LAMB4: variants seen among roughly 807,000 people sequenced by gnomAD.
LAMB4 encodes laminin subunit beta 4.
A neutral mutation model predicts 199.2 loss-of-function variants in LAMB4; 196 were observed. That is an observed-to-expected ratio of 0.98 (90% CI 0.88 to 1.11). The LOEUF is 1.11. LAMB4 is among the 50% of genes least tolerant of loss of function. The probability of loss-of-function intolerance (pLI) is 0.00; values close to 1 mark genes in which losing one functional copy is unlikely to be tolerated. For missense variants in LAMB4, 2,080 were observed against 2,171.2 expected, an observed-to-expected ratio of 0.96 and a Z score of 0.83; for synonymous variants, 744 against 770.6, an observed-to-expected ratio of 0.97 and a Z score of 0.57.
chr7:108,119,104 A>T (rs2038510781), intron 2 of LAMB4, among the ~76,000 whole-genome samples: 1 of 152,188 alleles, frequency 6.6e-6, no homozygotes, highest in African/African-American at 2.4e-5. Context: ...ACTACACACC[A>T]ATCAGAATAG....
chr7:108,102,850 A>G (rs1358394766), intron 10 of LAMB4, among the ~76,000 whole-genome samples, 194 bp downstream of exon 10: 1 of 152,190 alleles, frequency 6.6e-6, no homozygotes, highest in African/African-American at 2.4e-5. Context: ...ACCAGGACAG[A>G]CACAGATTAT....
At chr7:108,076,328 AC>A (rs1273561680) in intron 17 of LAMB4, among the ~76,000 whole-genome samples, 1 of 152,052 alleles carries the variant, frequency 6.6e-6, no homozygotes, top group Admixed American at 6.5e-5. Context: ...CCATTGCCCC[AC>A]TCTGTGGGGG....
intron 25 of LAMB4, 90 bp downstream of exon 25, chr7:108,055,542 T>C: frequency 5.9e-6 from 8 of 1,346,064 alleles, no homozygotes; most frequent in Non-Finnish European, 8.2e-6. Flanking sequence ...ATAGGTACAT[T>C]TCTAAATTGA....
At chr7:108,108,655 GT>G (rs201220755) in intron 5 of LAMB4, among the ~76,000 whole-genome samples, 49 of 144,180 alleles carry the variant, frequency 3.4e-4, no homozygotes, top group Non-Finnish European at 4.9e-4. Flanking sequence ...AAAGACTGGT[GT>G]TTTTTTTTTC....
At chr7:108,057,157 C>T (rs1360888050) in intron 24 of LAMB4, among the ~76,000 whole-genome samples, 1 of 152,158 alleles carries the variant, frequency 6.6e-6, no homozygotes, top group East Asian at 1.9e-4. Context: ...AGCCGCTCTT[C>T]CCCAGGAGAT....
chr7:108,055,968 C>T lies in LAMB4; in HGVS notation c.3419G>A (p.Cys1140Tyr). 1.9e-6 allele frequency: 3 copies of T among 1,614,018 alleles called. No individual in the cohort carries two copies. The highest frequency in any genetic ancestry group is 2.5e-6 in the Non-Finnish European group (3 of 1,179,932). Reference sequence around the variant, plus strand: ...GCGGCACATGCCTGTGTCTGGATCACAGATGGGCTTCTGGGTACCTGCCCT... The same window carrying T: ...GCGGCACATGCCTGTGTCTGGATCATAGATGGGCTTCTGGGTACCTGCCCT... ...CNRAGTQKPI[C>Y]DPDTGMCRCR... is the part of the protein sequence containing the mutation. The change falls in exon 25 of 34, where the codon TGT becomes TAT. Residue 1140 changes from cysteine to tyrosine, a missense_variant. Transcript: ENST00000388781.
rs750830292 is a variant in LAMB4 at position 108,103,081 on chromosome 7, G to A, written c.1143C>T (p.Asp381=). 6.2e-7 allele frequency: 1 copy of A among 1,610,632 alleles called. No individual in the cohort carries two copies. Among genetic ancestry groups the A allele is most frequent in the Non-Finnish European group, 8.5e-7 (1 of 1,177,300 alleles). ...CDRCRPLFYR[D]PLKTISDPYA... is the part of the protein sequence containing the mutation. ...AGGGATCTGAGATGGTCTTGAGCGG[G>A]TCCCTGTAGAAGAGGGGTCTGCAGC... Residue 381 remains aspartate (D), a synonymous_variant, in exon 10 of 34, where the codon GAC becomes GAT. Transcript: ENST00000388781.
At chr7:108,017,021 T>A in the LAMB4 span, among the ~76,000 whole-genome samples, 1 of 152,222 alleles carries the variant, frequency 6.6e-6, no homozygotes, top group Non-Finnish European at 1.5e-5. Context: ...TGTCAGATAC[T>A]GCTATGAATC....
chr7:108,071,348 C>A (rs990301668), intron 17 of LAMB4, among the ~76,000 whole-genome samples: 1 of 122,088 alleles, frequency 8.2e-6, no homozygotes, highest in African/African-American at 3.7e-5. Context: ...CTCATCAGCA[C>A]CCCCCTAACT....
intron 1 of LAMB4, among the ~76,000 whole-genome samples, chr7:108,124,967 G>T (rs150149023): frequency 5.3e-5 from 8 of 152,272 alleles, no homozygotes; most frequent in Non-Finnish European, 1.0e-4. Context: ...GTTTTGCAAT[G>T]CCTGATTTTA....
At chr7:108,067,706 T>C (rs1347210473) in intron 19 of LAMB4, among the ~76,000 whole-genome samples, 2 of 152,194 alleles carry the variant, frequency 1.3e-5, no homozygotes, top group African/African-American at 4.8e-5. Context: ...GCTCCCTTCA[T>C]GGTGTTCCAC....
chr7:108,063,217 C>T (rs2036226255), intron 22 of LAMB4, among the ~76,000 whole-genome samples: 1 of 152,134 alleles, frequency 6.6e-6, no homozygotes, highest in Non-Finnish European at 1.5e-5. Context: ...GAACTTGCTC[C>T]AAGAGCTCAC....
intron 2 of LAMB4, among the ~76,000 whole-genome samples, chr7:108,116,598 G>A (rs761051936): frequency 7.9e-5 from 12 of 152,150 alleles, no homozygotes; most frequent in Non-Finnish European, 1.6e-4. Flanking sequence ...CTTTAATGTT[G>A]TTTAATCTAG....
In LAMB4 at chr7:108,076,885, A is replaced by G. The variant is rs905732499; in HGVS notation, c.2124+59T>C. 13 of 1,564,784 alleles carry G rather than the reference A, an allele frequency of 8.3e-6. No individual in the cohort carries two copies. The African/African-American group carries it at 1.6e-4, about 20-fold the overall frequency. ...GAAATATTTCACTAGTGAGTTTAAA[A>G]GTAGTTATAACGGTGCTTAGTAGCG... On this transcript the variant is annotated intron_variant, in intron 17 of 33. Coordinates refer to ENST00000388781, the MANE Select transcript of LAMB4 (RefSeq NM_007356.3).
At chr7:108,069,318 G>A (rs1563064044) in intron 18 of LAMB4, among the ~76,000 whole-genome samples, 1 of 152,218 alleles carries the variant, frequency 6.6e-6, no homozygotes, top group Admixed American at 6.5e-5. Context: ...AATTTCAGTA[G>A]TGCTGAGGGA....
At chr7:108,102,058 A>G (rs1265088178) in intron 10 of LAMB4, among the ~76,000 whole-genome samples, 1 of 152,206 alleles carries the variant, frequency 6.6e-6, no homozygotes, top group Non-Finnish European at 1.5e-5. Flanking sequence ...TATTTAATCA[A>G]TTTGAAGTCC....
At position 108,103,194 on chromosome 7, in the gene LAMB4, C is replaced by A; in HGVS notation, c.1030G>T (p.Asp344Tyr). The A allele has an allele frequency of 6.3e-7, 1 of 1,589,326 alleles. No homozygotes were observed. Among genetic ancestry groups the A allele is most frequent in the Non-Finnish European group, 8.6e-7 (1 of 1,167,124 alleles). The change falls in exon 10 of 34, where the codon GAC becomes TAC. Residue 344 changes from aspartate (D) to tyrosine (Y), a missense_variant. Coordinates refer to ENST00000388781, the MANE Select transcript of LAMB4 (RefSeq NM_007356.3). Reference sequence around the variant, plus strand: ...CCGCTTGCCAGGTACGTAGTCATGTCAAAGTGACAGCGGCTGGAGTGGCTA... The same window carrying A: ...CCGCTTGCCAGGTACGTAGTCATGTAAAAGTGACAGCGGCTGGAGTGGCTA... ...CNSHSSRCHF[D>Y]MTTYLASGGL...
intron 2 of LAMB4, among the ~76,000 whole-genome samples, chr7:108,120,745 T>C (rs922666220): frequency 7.9e-5 from 12 of 152,256 alleles, no homozygotes; most frequent in Admixed American, 5.9e-4. Context: ...ATGTTACATG[T>C]GAATAAAAGA....
At chr7:108,095,500 T>C (rs889746869) in intron 11 of LAMB4, among the ~76,000 whole-genome samples, 163 bp from the exon 12 acceptor site, 1 of 152,326 alleles carries the variant, frequency 6.6e-6, no homozygotes, top group South Asian at 2.1e-4. Flanking sequence ...GTTTTGCATA[T>C]AACCTCACAG....
Sources: gnomAD v4.1 joint callset for allele counts (sites outside exome capture counted in the v4.1 genomes callset) on GRCh38, gnomAD v4.1.1 for gene constraint, MANE v1.5 for transcripts, NCBI Gene and HGNC (gene_info 2026-07-23, HGNC 2026-07-21) for gene names.